EDEM1: variants seen among roughly 807,000 people sequenced by gnomAD.
EDEM1 encodes the protein ER degradation enhancing alpha-mannosidase like protein 1.
A neutral mutation model predicts 74.4 loss-of-function variants in EDEM1; 67 were observed. The ratio of observed to expected loss-of-function variants is 0.90; its 90% CI spans 0.74 to 1.10. The LOEUF (loss-of-function observed/expected upper bound fraction) is 1.10, where lower values mean the gene tolerates loss of function less well. Among genes scored for constraint, EDEM1 ranks in the 50% least tolerant of loss-of-function variants. EDEM1 has a pLI of 0.00. For synonymous variants in EDEM1, 382 were observed against 335.9 expected (o/e 1.14, Z -1.50); for missense variants, 926 against 851.6 (o/e 1.09, Z -1.09).
rs2055264357 is a variant in EDEM1 at position 5,218,136 on chromosome 3, T to C, written c.*2218T>C. ...CAGGTGCTTCCCAGGGGCCACAGGC[T>C]GTCAGGAAACGTGTTTTATGTTAAG... On this transcript the variant is annotated 3_prime_UTR_variant, in exon 12 of 12. Transcript: ENST00000256497. The C allele has an allele frequency of 6.6e-6, 1 of 152,250 alleles. No homozygotes were observed. The highest frequency in any genetic ancestry group is 1.5e-5 in the Non-Finnish European group (1 of 68,088). The allele number at this position is 152,250 out of a possible 1,614,324, so 9.4% of individuals were successfully genotyped here.
Position 5,216,209 on chromosome 3 carries a change from G to A in EDEM1, c.*291G>A, listed in dbSNP as rs150643929. 141 of 389,534 alleles carry A rather than the reference G, an allele frequency of 3.6e-4. No homozygotes were observed. The highest frequency in any genetic ancestry group is 4.8e-4 in the Admixed American group (10 of 20,858). The allele number at this position is 389,534 out of a possible 1,614,324, so 24.1% of individuals were successfully genotyped here. A position where few individuals can be genotyped will look rare whatever the true frequency, so the allele number is the denominator to read the frequency against. ...ACAATAGATGGGGCATCTTTGGATT[G>A]ATGTTCACAGCTTTATACTTCAGAA... is the stretch of plus-strand genomic sequence containing the variant. On this transcript the variant is annotated 3_prime_UTR_variant, in exon 12 of 12. Coordinates refer to ENST00000256497, the MANE Select transcript of EDEM1 (RefSeq NM_014674.3).
chr3:5,209,225 A>G (rs982918595), intron 8 of EDEM1, among the ~76,000 whole-genome samples: 1 of 152,214 alleles, frequency 6.6e-6, no homozygotes, highest in African/African-American at 2.4e-5. Flanking sequence ...CCTCATGCCT[A>G]AAAAGGGACT....
At chr3:5,203,523 T>G (rs1257825075) in intron 5 of EDEM1, among the ~76,000 whole-genome samples, 1 of 152,220 alleles carries the variant, frequency 6.6e-6, no homozygotes, top group Non-Finnish European at 1.5e-5. Flanking sequence ...TTAAAAAATC[T>G]GGGCCTGTGG....
chr3:5,211,070 A>G, intron 9 of EDEM1, 50 bp from the exon 10 acceptor site: 1 of 1,527,288 alleles, frequency 6.5e-7, no homozygotes, highest in Non-Finnish European at 9.1e-7. Flanking sequence ...TAAGTGAATC[A>G]GCAGGTGGGA....
At position 5,188,255 on chromosome 3, in the gene EDEM1, C is replaced by A. The variant is rs1326181587; in HGVS notation, c.450C>A (p.Phe150Leu). 3 of 1,577,568 alleles carry A rather than the reference C, an allele frequency of 1.9e-6. No homozygotes were observed. Among genetic ancestry groups the A allele is most frequent in the Non-Finnish European group, 2.6e-6 (3 of 1,164,212 alleles). Residue 150 changes from phenylalanine to leucine, a missense_variant, in exon 1 of 12, where the codon TTC becomes TTA. Physicochemically the swap from Phe to Leu is conservative, Grantham distance 22 (BLOSUM62 0). Coordinates refer to ENST00000256497, the MANE Select transcript of EDEM1 (RefSeq NM_014674.3). ...ACGACAACTACATGGCTCACGCCTT[C>A]CCCCAGGACGAGCTCAACCCCATCC... ...FGYDNYMAHA[F>L]PQDELNPIHC...
chr3:5,207,394 C>T, intron 7 of EDEM1, 121 bp downstream of exon 7: 1 of 1,339,184 alleles, frequency 7.5e-7, no homozygotes, highest in East Asian at 2.3e-5. Context: ...AGGTCACTGA[C>T]ACTATACGTC....
rs192762223 is a variant in EDEM1 at position 5,219,442 on chromosome 3, T to G, written c.*3524T>G. The G allele has an allele frequency of 6.6e-6, 1 of 152,030 alleles. No individual in the cohort carries two copies. The highest frequency in any genetic ancestry group is 2.4e-5 in the African/African-American group (1 of 41,398). The allele number at this position is 152,030 out of a possible 1,614,324, so 9.4% of individuals were successfully genotyped here. ...CTCTTCCCTGCAGGGCAGGGACCCCTTGGGAAATCGAGGAGGTGGGACGGG... is the reference window on the plus strand; with the variant it reads ...CTCTTCCCTGCAGGGCAGGGACCCCGTGGGAAATCGAGGAGGTGGGACGGG... On this transcript the variant is annotated 3_prime_UTR_variant, in exon 12 of 12. Coordinates refer to ENST00000256497, the MANE Select transcript of EDEM1 (RefSeq NM_014674.3).
intron 7 of EDEM1, among the ~76,000 whole-genome samples, chr3:5,207,647 C>T (rs532680008): frequency 3.0e-4 from 45 of 152,280 alleles, no homozygotes; most frequent in African/African-American, 1.1e-3. Context: ...GCTGGGATTA[C>T]AGGCGCCTGC....
intron 11 of EDEM1, among the ~76,000 whole-genome samples, chr3:5,213,995 G>A (rs2055200241): frequency 6.6e-6 from 1 of 152,176 alleles, no homozygotes; most frequent in Admixed American, 6.5e-5. Flanking sequence ...AAGACATTCA[G>A]CAAAATCATT....
Position 5,216,139 on chromosome 3 carries a change from A to C in EDEM1, c.*221A>C. ...GTTAAGGATATAATTTGAAGTGAGA[A>C]GATACATGGAAATTGCCCTCTTATG... On this transcript the variant is annotated 3_prime_UTR_variant, in exon 12 of 12. Coordinates refer to ENST00000256497, the MANE Select transcript of EDEM1 (RefSeq NM_014674.3). The C allele has an allele frequency of 1.9e-6, 1 of 529,120 alleles. No homozygotes were observed. The highest frequency in any genetic ancestry group is 3.3e-6 in the Non-Finnish European group (1 of 304,522). The allele number at this position is 529,120 out of a possible 1,614,324, so 32.8% of individuals were successfully genotyped here.
In EDEM1 at chr3:5,202,085, TA is replaced by T. The variant is rs373843988; in HGVS notation, c.858+165del. On this transcript the variant is annotated intron_variant, in intron 4 of 11. Transcript: ENST00000256497. The stretch of plus-strand genomic sequence containing the variant: ...GGCCTTAAATATGATGTAAATATTT[TA>T]AAATTCATTCAGCATTTACTGAACA... 2.9e-4 allele frequency among the ~76,000 whole-genome samples: 44 copies of T among 152,388 alleles called. 1 individual carries two copies. In the East Asian group the frequency reaches 8.1e-3, roughly 28 times the overall value.
At position 5,188,206 on chromosome 3, in the gene EDEM1, C is replaced by T. The variant is rs1196598925; in HGVS notation, c.401C>T (p.Ala134Val). 4 of 1,582,014 alleles carry T rather than the reference C, an allele frequency of 2.5e-6. No homozygotes were observed. Among genetic ancestry groups the T allele is most frequent in the Middle Eastern group, 1.7e-4 (1 of 5,996 alleles). Residue 134 changes from alanine (A) to valine (V), a missense_variant, in exon 1 of 12, where the codon GCA becomes GTA. Transcript: ENST00000256497. Reference protein sequence around the residue: ...PQLRAQMRDLARGMFVFGYDN... With the variant: ...PQLRAQMRDLVRGMFVFGYDN... ...CTGCGTGCCCAGATGCGCGACCTGG[C>T]ACGGGGCATGTTCGTCTTTGGCTAC...
At chr3:5,190,842 A>G (rs2054893785) in intron 1 of EDEM1, among the ~76,000 whole-genome samples, 1 of 151,344 alleles carries the variant, frequency 6.6e-6, no homozygotes, top group Non-Finnish European at 1.5e-5. Context: ...CCTTCCTTTA[A>G]CTCCTCTCAG....
In EDEM1 at chr3:5,203,102, C is replaced by T. The variant is rs2055053309; in HGVS notation, c.995C>T (p.Ala332Val). The T allele has an allele frequency of 4.4e-6, 7 of 1,608,234 alleles. No homozygotes were observed. The highest frequency in any genetic ancestry group is 5.9e-6 in the Non-Finnish European group (7 of 1,177,582). ...ACATTTGAGTGGGTGGCCAGACGAGCAGTGAAAGCCCTTTGGAACCTCCGG... is the reference window on the plus strand; with the variant it reads ...ACATTTGAGTGGGTGGCCAGACGAGTAGTGAAAGCCCTTTGGAACCTCCGG... The part of the protein sequence containing the change: ...DSTFEWVARR[A>V]VKALWNLRSN... The change falls in exon 5 of 12, where the codon GCA (alanine) becomes GTA (valine). Residue 332 changes from alanine (A) to valine (V), a missense_variant. By Grantham distance (64) the Ala-to-Val change is moderately conservative. Coordinates refer to ENST00000256497, the MANE Select transcript of EDEM1 (RefSeq NM_014674.3).
chr3:5,201,671 C>T, intron 3 of EDEM1, 82 bp from the exon 4 acceptor site: 1 of 1,544,418 alleles, frequency 6.5e-7, no homozygotes, highest in Non-Finnish European at 8.9e-7. Flanking sequence ...TGGATATGAA[C>T]ATACTTCTAT....
chr3:5,203,295 T>A, intron 5 of EDEM1, 146 bp downstream of exon 5: 1 of 840,992 alleles, frequency 1.2e-6, no homozygotes, highest in African/African-American at 1.8e-5. Context: ...TTTCTTTATG[T>A]GACCCTTTGC....
At chr3:5,206,843 A>G (rs933049410) in intron 6 of EDEM1, among the ~76,000 whole-genome samples, 5 of 152,170 alleles carry the variant, frequency 3.3e-5, no homozygotes, top group South Asian at 4.1e-4. Flanking sequence ...GGCCCATACT[A>G]TATACTGAAT....
rs1173032508 is a variant in EDEM1 at position 5,219,071 on chromosome 3, C to G, written c.*3153C>G. ...TCAGTGCAGTTGTGCAATCTGAGGG[C>G]CTTGTTTCCTCCTCCCCTTTCCCCT... is the stretch of plus-strand genomic sequence containing the variant. On this transcript the variant is annotated 3_prime_UTR_variant, in exon 12 of 12. Coordinates refer to ENST00000256497, the MANE Select transcript of EDEM1 (RefSeq NM_014674.3). 6.6e-6 allele frequency: 1 copy of G among 152,108 alleles called. No homozygotes were observed. The highest frequency in any genetic ancestry group is 2.4e-5 in the African/African-American group (1 of 41,416). The allele number at this position is 152,108 out of a possible 1,614,324, so 9.4% of individuals were successfully genotyped here.
At chr3:5,203,869 C>T (rs952251965) in intron 5 of EDEM1, among the ~76,000 whole-genome samples, 1 of 152,102 alleles carries the variant, frequency 6.6e-6, no homozygotes, top group African/African-American at 2.4e-5. Context: ...GTAGCTGAGA[C>T]GACCGGCTTG....
Sources: allele counts gnomAD v4.1 joint callset (sites outside exome capture counted in the v4.1 genomes callset), GRCh38; gene constraint gnomAD v4.1.1; transcripts MANE v1.5; gene names NCBI Gene and HGNC (gene_info 2026-07-23, HGNC 2026-07-21).